The following SYT16 variants were observed in gnomAD, a reference collection of about 807,000 sequenced individuals.
SYT16 encodes the protein synaptotagmin 16, also known as synaptotagmin-16.
A neutral mutation model predicts 61.4 loss-of-function variants in SYT16; 42 were observed. That is an observed-to-expected ratio of 0.68 (90% CI 0.53 to 0.89). The LOEUF (loss-of-function observed/expected upper bound fraction) is 0.89, where lower values mean the gene tolerates loss of function less well. SYT16 is among the 40% of genes least tolerant of loss of function. The pLI is 0.00. For synonymous variants in SYT16, 314 were observed against 302.3 expected, an observed-to-expected ratio of 1.04 and a Z score of -0.40; for missense variants, 804 against 807.3, an observed-to-expected ratio of 1.00 and a Z score of 0.05.
At chr14:61,836,851 TTG>T (rs1216056381) in intron 1 of SYT16, among the ~76,000 whole-genome samples, 1 of 152,246 alleles carries the variant, frequency 6.6e-6, no homozygotes, top group Non-Finnish European at 1.5e-5. Flanking sequence ...ATGAATTTTT[TTG>T]TGTGGCCTTA....
intron 2 of SYT16, among the ~76,000 whole-genome samples, chr14:61,989,355 G>A (rs928225974): frequency 6.6e-6 from 1 of 152,104 alleles, no homozygotes; most frequent in Non-Finnish European, 1.5e-5. Context: ...CTGAGGTCAG[G>A]AGTTTGAGAC....
intron 1 of SYT16, among the ~76,000 whole-genome samples, chr14:61,857,751 CTT>C (rs764592356): frequency 1.6e-4 from 25 of 152,028 alleles, no homozygotes; most frequent in Non-Finnish European, 2.8e-4. Context: ...GGAACAGTGT[CTT>C]TGAGTAGAAG....
At chr14:61,894,376 C>CT (rs937895257) in intron 1 of SYT16, among the ~76,000 whole-genome samples, 8 of 150,710 alleles carry the variant, frequency 5.3e-5, no homozygotes, top group African/African-American at 1.5e-4. Flanking sequence ...GTGTAGACAT[C>CT]TTTTTTGTGT....
At chr14:62,064,080 G>T (rs2055948876) in intron 3 of SYT16, among the ~76,000 whole-genome samples, 1 of 152,118 alleles carries the variant, frequency 6.6e-6, no homozygotes, top group East Asian at 1.9e-4. Context: ...AAGAGGTAAA[G>T]ATTTTAATAA....
intron 2 of SYT16, among the ~76,000 whole-genome samples, chr14:61,994,695 A>T (rs191501708): frequency 9.2e-5 from 14 of 152,230 alleles, no homozygotes; most frequent in Admixed American, 3.9e-4. Flanking sequence ...ATAGGGGGGA[A>T]ATGTGGAGAA....
chr14:62,070,540 G>A (rs1426280393), intron 4 of SYT16, among the ~76,000 whole-genome samples: 1 of 152,168 alleles, frequency 6.6e-6, no homozygotes, highest in Non-Finnish European at 1.5e-5. Context: ...GGCAGACCTT[G>A]TTACAGGTCC....
At chr14:61,901,959 G>A (rs1289090970) in intron 1 of SYT16, among the ~76,000 whole-genome samples, 4 of 151,730 alleles carry the variant, frequency 2.6e-5, no homozygotes, top group Admixed American at 6.6e-5. Context: ...ACAAGGTTTC[G>A]CTATGTTGGC....
At chr14:62,054,361 T>G (rs1188503195) in intron 3 of SYT16, among the ~76,000 whole-genome samples, 1 of 55,242 alleles carries the variant, frequency 1.8e-5, no homozygotes, top group Non-Finnish European at 2.9e-5. Flanking sequence ...GTGAAGTGAG[T>G]TTTTTTTTTT....
Position 61,887,938 on chromosome 14 carries a change from C to T in SYT16, c.-325+75128C>T, listed in dbSNP as rs138488555. Among the ~76,000 whole-genome samples, 3 of 152,264 alleles carry T rather than the reference C, an allele frequency of 2.0e-5. No individual in the cohort carries two copies. The South Asian group carries it at 6.2e-4, about 32-fold the overall frequency. On this transcript the variant is annotated intron_variant, in intron 1 of 7. Coordinates refer to ENST00000683842, the MANE Select transcript of SYT16 (RefSeq NM_001367656.1). ...CCTTCAAGGACTTCTCCTTTGCATT[C>T]ACAACTTGGCTAACTCTTTGGTGCA... is the stretch of plus-strand genomic sequence containing the variant.
intron 1 of SYT16, among the ~76,000 whole-genome samples, chr14:61,836,608 AT>A (rs2046137795): frequency 6.6e-6 from 1 of 152,058 alleles, no homozygotes; most frequent in South Asian, 2.1e-4. Flanking sequence ...TGATTTACTA[AT>A]TCTATTTGTT....
At position 62,106,243 on chromosome 14, in the gene SYT16, CA is replaced by C. The variant is rs2057510699; in HGVS notation, c.*5538del. The C allele has an allele frequency of 6.6e-6, 1 of 152,174 alleles. No homozygotes were observed. Among genetic ancestry groups the C allele is most frequent in the South Asian group, 2.1e-4 (1 of 4,826 alleles). The allele number at this position is 152,174 out of a possible 1,614,324, so 9.4% of individuals were successfully genotyped here. On this transcript the variant is annotated 3_prime_UTR_variant, in exon 8 of 8. Coordinates refer to ENST00000683842, the MANE Select transcript of SYT16 (RefSeq NM_001367656.1). ...ATTGAAGCAGTTGGTCATCATTATA[CA>C]ATGATGCTTACCAATATACAACTGT...
chr14:61,866,405 GT>G (rs1238540389), intron 1 of SYT16, among the ~76,000 whole-genome samples: 13 of 152,058 alleles, frequency 8.5e-5, no homozygotes, highest in African/African-American at 3.1e-4. Flanking sequence ...GACATTTCCA[GT>G]TGCTTTACAT....
intron 1 of SYT16, among the ~76,000 whole-genome samples, chr14:61,834,053 A>T (rs1264019563): frequency 1.5e-5 from 2 of 133,888 alleles, no homozygotes; most frequent in Admixed American, 7.7e-5. Context: ...GTTATATTTT[A>T]TTTAGAATTT....
At chr14:61,914,020 G>A (rs2049027469) in intron 1 of SYT16, among the ~76,000 whole-genome samples, 1 of 152,110 alleles carries the variant, frequency 6.6e-6, no homozygotes, top group South Asian at 2.1e-4. Flanking sequence ...AGAAATTACT[G>A]GGGTTTCTCA....
chr14:61,982,562 C>T (rs1595077720), intron 2 of SYT16, among the ~76,000 whole-genome samples: 2 of 152,110 alleles, frequency 1.3e-5, no homozygotes, highest in East Asian at 3.9e-4. Context: ...CCAGGTCCCT[C>T]CCATAACACG....
intron 3 of SYT16, among the ~76,000 whole-genome samples, chr14:62,012,450 A>G (rs2053507366): frequency 1.3e-5 from 2 of 152,198 alleles, no homozygotes; most frequent in Admixed American, 1.3e-4. Flanking sequence ...AGAGTCTGAT[A>G]GCAAAAGGAA....
intron 2 of SYT16, among the ~76,000 whole-genome samples, chr14:61,970,889 G>A (rs945138172): frequency 6.6e-6 from 1 of 151,894 alleles, no homozygotes; most frequent in African/African-American, 2.4e-5. Context: ...CACAGATGTG[G>A]GACATTTAAA....
chr14:61,823,457 G>T (rs2045676884), intron 1 of SYT16, among the ~76,000 whole-genome samples: 4 of 151,708 alleles, frequency 2.6e-5, no homozygotes, highest in Admixed American at 2.0e-4. Flanking sequence ...GGCTGGATGT[G>T]GTGGCTAATG....
intron 1 of SYT16, among the ~76,000 whole-genome samples, chr14:61,951,795 A>G (rs1486591162): frequency 1.3e-5 from 2 of 151,846 alleles, no homozygotes; most frequent in African/African-American, 2.4e-5. Flanking sequence ...TATATTCAGT[A>G]TATATATATT....
Sources: allele counts gnomAD v4.1 joint callset (sites outside exome capture counted in the v4.1 genomes callset), GRCh38; gene constraint gnomAD v4.1.1; transcripts MANE v1.5; gene names NCBI Gene and HGNC (gene_info 2026-07-23, HGNC 2026-07-21).